Variants in FBXW7 observed in about 807,000 individuals in gnomAD.
The protein encoded by FBXW7 is F-box and WD repeat domain containing 7.
FBXW7 carries 11 observed loss-of-function variants against 86.3 expected under a neutral mutation model. That is an observed-to-expected ratio of 0.13 (90% CI 0.08 to 0.21). FBXW7 has a LOEUF of 0.21. Among genes scored for constraint, FBXW7 ranks in the 10% least tolerant of loss-of-function variants. The pLI is 1.00. For synonymous variants in FBXW7, 313 were observed against 297.9 expected, an observed-to-expected ratio of 1.05 and a Z score of -0.52; for missense variants, 488 against 847.4, an observed-to-expected ratio of 0.58 and a Z score of 5.27.
chr4:152,413,523 T>C (rs1738160371), intron 2 of FBXW7, among the ~76,000 whole-genome samples: 1 of 152,110 alleles, frequency 6.6e-6, no homozygotes. Context: ...GATTACTAGT[T>C]TCAAGTAAAG....
Sources: gnomAD v4.1 joint callset for allele counts (sites outside exome capture counted in the v4.1 genomes callset) on GRCh38, gnomAD v4.1.1 for gene constraint, MANE v1.5 for transcripts, NCBI Gene and HGNC (gene_info 2026-07-23, HGNC 2026-07-21) for gene names.